ADAMTS6: variants seen among roughly 807,000 people sequenced by gnomAD.
ADAMTS6 encodes the protein A disintegrin and metalloproteinase with thrombospondin motifs 6.
In ADAMTS6, 23 loss-of-function variants were observed where a neutral mutation model predicts 144.3. That is an observed-to-expected ratio of 0.16 (90% CI 0.11 to 0.23). ADAMTS6 has a LOEUF of 0.23. Ranked by LOEUF, ADAMTS6 falls within the 10% of genes least tolerant of loss-of-function variation. ADAMTS6 has a pLI of 1.00. For synonymous variants in ADAMTS6, 444 were observed against 457.5 expected, an observed-to-expected ratio of 0.97 and a Z score of 0.38; for missense variants, 999 against 1,379.6, an observed-to-expected ratio of 0.72 and a Z score of 4.37.
chr5:65,473,732 A>G lies in ADAMTS6; in HGVS notation c.-59T>C. 8.1e-7 allele frequency: 1 copy of G among 1,238,302 alleles called. No homozygotes were observed. Among genetic ancestry groups the G allele is most frequent in the Admixed American group, 1.9e-5 (1 of 51,356 alleles). The allele number at this position is 1,238,302 out of a possible 1,614,324, so 76.7% of individuals were successfully genotyped here. A position where few individuals can be genotyped will look rare whatever the true frequency, so the allele number is the denominator to read the frequency against. On this transcript the variant is annotated 5_prime_UTR_variant, in exon 2 of 25. It removes an upstream start codon present in the reference 5' UTR. Transcript: ENST00000381055. Reference sequence around the variant, plus strand: ...ACCTATGTGCTAAAGAGTCAATACCATACCAAAATCGAAGCATAACAATTT... The same window carrying G: ...ACCTATGTGCTAAAGAGTCAATACCGTACCAAAATCGAAGCATAACAATTT...
intron 15 of ADAMTS6, among the ~76,000 whole-genome samples, chr5:65,234,016 A>G (rs1470840736): frequency 6.6e-6 from 1 of 151,620 alleles, no homozygotes; most frequent in African/African-American, 2.4e-5. Flanking sequence ...TACCAAGAAA[A>G]TAGAGTGAGG....
rs1167366560 is a variant in ADAMTS6, at chr5:65,275,415, GA to G, written c.1513-1969del. ...AGAAAGAAAGAAAGAAAGAAAGAAA[GA>G]AAAGAAAGAAAGAAAGAAAAGAAAA... On this transcript the variant is annotated intron_variant, in intron 11 of 24. Transcript: ENST00000381055. Among the ~76,000 whole-genome samples, 561 of 120,874 alleles carry G rather than the reference GA, an allele frequency of 4.6e-3. 4 individuals are homozygous for G. The highest frequency in any genetic ancestry group is 0.016 in the African/African-American group (517 of 31,700). The allele number at this position is 120,874 out of a possible 152,430, so 79.3% of individuals were successfully genotyped here. A position where few individuals can be genotyped will look rare whatever the true frequency, so the allele number is the denominator to read the frequency against.
chr5:65,475,098 C>T (rs1404042754), intron 1 of ADAMTS6, among the ~76,000 whole-genome samples: 4 of 151,836 alleles, frequency 2.6e-5, no homozygotes, highest in African/African-American at 9.7e-5. Context: ...TAAATTCTTA[C>T]TATATATTTG....
At chr5:65,390,721 T>C (rs1177488764) in intron 7 of ADAMTS6, among the ~76,000 whole-genome samples, 1 of 152,246 alleles carries the variant, frequency 6.6e-6, no homozygotes, top group African/African-American at 2.4e-5. Context: ...TCATCTTTAC[T>C]ACAACCTTTC....
chr5:65,374,771 T>C (rs1751346797), intron 7 of ADAMTS6, among the ~76,000 whole-genome samples: 2 of 152,316 alleles, frequency 1.3e-5, no homozygotes, highest in South Asian at 2.1e-4. Flanking sequence ...TTAAAGTTCA[T>C]GTGGAATCAA....
At chr5:65,226,040 TAA>T (rs1284164243) in intron 16 of ADAMTS6, 44 bp downstream of exon 16, 1 of 1,559,422 alleles carries the variant, frequency 6.4e-7, no homozygotes, top group African/African-American at 1.4e-5. Context: ...GAGAAAAAGA[TAA>T]AAGTCTCAAA....
chr5:65,174,103 C>T (rs572068591), intron 22 of ADAMTS6, among the ~76,000 whole-genome samples: 1 of 152,040 alleles, frequency 6.6e-6, no homozygotes, highest in Non-Finnish European at 1.5e-5. Flanking sequence ...TGTATATATA[C>T]CTTTCATACG....
intron 10 of ADAMTS6, among the ~76,000 whole-genome samples, chr5:65,294,121 T>C (rs1404972157): frequency 1.3e-5 from 2 of 152,264 alleles, no homozygotes; most frequent in African/African-American, 4.8e-5. Flanking sequence ...ACACGTTTAC[T>C]ACATGTGTAG....
chr5:65,175,685 C>A (rs1032047716), intron 22 of ADAMTS6, among the ~76,000 whole-genome samples: 1 of 151,366 alleles, frequency 6.6e-6, no homozygotes, highest in Non-Finnish European at 1.5e-5. Context: ...CACATCTCAC[C>A]AGTTCAGAAG....
rs1210596393 is a variant in ADAMTS6, at chr5:65,329,401, G to A, written c.1200C>T (p.Thr400=). The change falls in exon 9 of 25, where the codon ACC becomes ACT. Residue 400 remains threonine (T), a synonymous_variant. Coordinates refer to ENST00000381055, the MANE Select transcript of ADAMTS6 (RefSeq NM_197941.4). Reference sequence around the variant, plus strand: ...ACTTGTGACCAATCTCATGTGCAATGGTAAAAGCTGAACCCAGGCCAATGT... The same window carrying A: ...ACTTGTGACCAATCTCATGTGCAATAGTAAAAGCTGAACCCAGGCCAATGT... ...NEDIGLGSAF[T]IAHEIGHNFG... is the part of the protein sequence containing the mutation. 1 of 1,612,396 alleles carries A rather than the reference G, an allele frequency of 6.2e-7. No individual in the cohort carries two copies. Among genetic ancestry groups the A allele is most frequent in the Non-Finnish European group, 8.5e-7 (1 of 1,179,194 alleles).
At chr5:65,384,153 C>T (rs1363063626) in intron 7 of ADAMTS6, among the ~76,000 whole-genome samples, 1 of 152,192 alleles carries the variant, frequency 6.6e-6, no homozygotes, top group African/African-American at 2.4e-5. Context: ...TTCATTCTAT[C>T]CATACTAATC....
At chr5:65,302,827 T>C (rs953948303) in intron 9 of ADAMTS6, among the ~76,000 whole-genome samples, 2 of 152,154 alleles carry the variant, frequency 1.3e-5, no homozygotes, top group African/African-American at 2.4e-5. Context: ...CGTATCCCTG[T>C]TTCATGTTAA....
intron 11 of ADAMTS6, among the ~76,000 whole-genome samples, chr5:65,290,837 C>T (rs1376443872): frequency 6.6e-6 from 1 of 151,914 alleles, no homozygotes; most frequent in Non-Finnish European, 1.5e-5. Context: ...TGTTTCACTA[C>T]TTGAGCTAAT....
In ADAMTS6 at chr5:65,451,461, G is replaced by T. The variant is rs771416850; in HGVS notation, c.1073+14C>A. ...CACAACAATCAATGGAAAAATACTT[G>T]CAACAAACCATACCTAGTAATAAGA... On this transcript the variant is annotated intron_variant, in intron 7 of 24. Transcript: ENST00000381055. The T allele has an allele frequency of 5.0e-6, 8 of 1,611,996 alleles. No individual in the cohort carries two copies. Among genetic ancestry groups the T allele is most frequent in the Non-Finnish European group, 6.8e-6 (8 of 1,179,372 alleles).
At chr5:65,378,051 G>A (rs779558090) in intron 7 of ADAMTS6, among the ~76,000 whole-genome samples, 21 of 152,098 alleles carry the variant, frequency 1.4e-4, no homozygotes, top group Non-Finnish European at 2.1e-4. Flanking sequence ...AGCCACATCA[G>A]AGTAAGGGTC....
chr5:65,367,769 C>G (rs1388081138), intron 7 of ADAMTS6, among the ~76,000 whole-genome samples: 1 of 152,058 alleles, frequency 6.6e-6, no homozygotes, highest in East Asian at 1.9e-4. Context: ...TTCCCACTTA[C>G]AAACTTCCTG....
intron 7 of ADAMTS6, among the ~76,000 whole-genome samples, chr5:65,422,848 T>C (rs1756185380): frequency 6.6e-6 from 1 of 152,198 alleles, no homozygotes. Context: ...TGCATTCATA[T>C]GCTTATTGCA....
intron 7 of ADAMTS6, among the ~76,000 whole-genome samples, chr5:65,433,464 T>C (rs915866337): frequency 1.3e-5 from 2 of 152,202 alleles, no homozygotes; most frequent in African/African-American, 4.8e-5. Context: ...GCAGCATATC[T>C]ATTGAATAAA....
intron 9 of ADAMTS6, among the ~76,000 whole-genome samples, chr5:65,326,245 C>A (rs2150052034): frequency 6.6e-6 from 1 of 152,192 alleles, no homozygotes; most frequent in East Asian, 1.9e-4. Context: ...TTATAAAATT[C>A]ATGGCAACTA....
Sources: gnomAD v4.1 joint callset for allele counts (sites outside exome capture counted in the v4.1 genomes callset) on GRCh38, gnomAD v4.1.1 for gene constraint, MANE v1.5 for transcripts, NCBI Gene and HGNC (gene_info 2026-07-23, HGNC 2026-07-21) for gene names.